The following TIAM1 variants were observed in gnomAD, a reference collection of about 807,000 sequenced individuals.
TIAM1 encodes TIAM Rac1 associated GEF 1.
In TIAM1, 65 loss-of-function variants were observed where a neutral mutation model predicts 163.5. That is an observed-to-expected ratio of 0.40 (90% confidence interval 0.33 to 0.49). The LOEUF (loss-of-function observed/expected upper bound fraction) is 0.49. Among genes scored for constraint, TIAM1 ranks in the 20% least tolerant of loss-of-function variants. The probability of loss-of-function intolerance (pLI) is 0.77; values close to 1 mark genes in which losing one functional copy is unlikely to be tolerated. For missense variants in TIAM1, 1,789 were observed against 2,044.7 expected, an observed-to-expected ratio of 0.87 and a Z score of 2.41; for synonymous variants, 833 against 810.1, an observed-to-expected ratio of 1.03 and a Z score of -0.48.
chr21:31,121,958 C>T (rs2082017845), intron 27 of TIAM1, among the ~76,000 whole-genome samples: 2 of 152,170 alleles, frequency 1.3e-5, no homozygotes, highest in Admixed American at 1.3e-4. Context: ...TCAACGCCAA[C>T]TGGGAGCTGC....
chr21:31,152,039 TTTTTTTTTG>T lies in TIAM1; in HGVS notation c.3366+588_3366+596del, dbSNP rs1217436018. On this transcript the variant is annotated intron_variant, in intron 19 of 27. Coordinates refer to ENST00000541036, the MANE Select transcript of TIAM1 (RefSeq NM_001353694.2). Reference sequence around the variant, plus strand: ...GAAGTGCCTTTTTTTTTTTTTTTTTTTTTTTTTTGTAAGACGGAGCCTCGTTCTTGTCCC... The same window carrying T: ...GAAGTGCCTTTTTTTTTTTTTTTTTTTAAGACGGAGCCTCGTTCTTGTCCC... Among the ~76,000 whole-genome samples, 247 of 92,136 alleles carry T rather than the reference TTTTTTTTTG, an allele frequency of 2.7e-3. 2 individuals are homozygous for T. Among genetic ancestry groups the T allele is most frequent in the African/African-American group, 0.01 (226 of 21,898 alleles). The allele number at this position is 92,136 out of a possible 152,430, so 60.4% of individuals were successfully genotyped here. A position where few individuals can be genotyped will look rare whatever the true frequency, so the allele number is the denominator to read the frequency against.
chr21:31,422,548 G>T (rs995179555), intron 2 of TIAM1, among the ~76,000 whole-genome samples: 3 of 152,074 alleles, frequency 2.0e-5, no homozygotes, highest in Non-Finnish European at 4.4e-5. Flanking sequence ...GAAGTCTGTT[G>T]GGAGCTGAAC....
At chr21:31,423,156 T>A (rs577670647) in intron 2 of TIAM1, among the ~76,000 whole-genome samples, 1 of 134,416 alleles carries the variant, frequency 7.4e-6, no homozygotes, top group South Asian at 2.5e-4. Flanking sequence ...TGGAGTGCAG[T>A]GGCATGATCT....
chr21:31,452,737 C>A, intron 2 of TIAM1: 1 of 480,064 alleles, frequency 2.1e-6, no homozygotes, highest in Non-Finnish European at 4.1e-6. Flanking sequence ...AAATCTACTA[C>A]AAAGTCACTG....
intron 1 of TIAM1, among the ~76,000 whole-genome samples, chr21:31,475,810 A>G (rs1157547017): frequency 6.6e-6 from 1 of 152,244 alleles, no homozygotes; most frequent in East Asian, 1.9e-4. Context: ...TCTCCTGAGC[A>G]AATCCTAATT....
At chr21:31,240,365 G>A (rs1333057676) in intron 6 of TIAM1, among the ~76,000 whole-genome samples, 3 of 152,158 alleles carry the variant, frequency 2.0e-5, no homozygotes, top group Non-Finnish European at 4.4e-5. Context: ...ATTTATTAAA[G>A]ACAAATGGCT....
At chr21:31,152,192 C>T (rs1384006044) in intron 19 of TIAM1, among the ~76,000 whole-genome samples, 1 of 152,010 alleles carries the variant, frequency 6.6e-6, no homozygotes. Flanking sequence ...ACCACCATGC[C>T]CAGCTAATTT....
chr21:31,154,745 G>A (rs1193466735), intron 16 of TIAM1, among the ~76,000 whole-genome samples: 1 of 152,158 alleles, frequency 6.6e-6, no homozygotes, highest in African/African-American at 2.4e-5. Flanking sequence ...GTACGTAAGT[G>A]GCAGAGCTGG....
chr21:31,427,415 A>G (rs1176259958), intron 2 of TIAM1, among the ~76,000 whole-genome samples: 1 of 152,084 alleles, frequency 6.6e-6, no homozygotes, highest in Non-Finnish European at 1.5e-5. Flanking sequence ...TGAACCTGGA[A>G]GGCGGGGGTT....
At chr21:31,517,174 A>G (rs976772161) in intron 1 of TIAM1, among the ~76,000 whole-genome samples, 2 of 152,146 alleles carry the variant, frequency 1.3e-5, no homozygotes, top group African/African-American at 2.4e-5. Flanking sequence ...TAAGGCTACA[A>G]CTCTAAAGGC....
intron 2 of TIAM1, among the ~76,000 whole-genome samples, chr21:31,385,840 AT>A (rs972354601): frequency 3.0e-4 from 44 of 147,206 alleles, no homozygotes; most frequent in Non-Finnish European, 5.8e-4. Flanking sequence ...TATATTATAT[AT>A]TTATATATAA....
At chr21:31,391,275 C>T (rs551380044) in intron 2 of TIAM1, among the ~76,000 whole-genome samples, 5 of 152,104 alleles carry the variant, frequency 3.3e-5, no homozygotes, top group Admixed American at 2.0e-4. Context: ...TACGTTCCCA[C>T]ATGGTATTCC....
intron 2 of TIAM1, among the ~76,000 whole-genome samples, chr21:31,321,559 C>A (rs1463505714): frequency 0.015 from 2 of 136 alleles, no homozygotes; most frequent in Non-Finnish European, 0.028. Context: ...GTCATGTTGG[C>A]CAGCTGGTCT....
intron 14 of TIAM1, among the ~76,000 whole-genome samples, chr21:31,185,451 G>A (rs1199575768): frequency 2.2e-5 from 3 of 137,916 alleles, no homozygotes; most frequent in Non-Finnish European, 4.7e-5. Flanking sequence ...TTATATTAAC[G>A]ATTATTATAT....
chr21:31,399,061 T>C (rs2077121452), intron 2 of TIAM1, among the ~76,000 whole-genome samples: 1 of 152,068 alleles, frequency 6.6e-6, no homozygotes, highest in Admixed American at 6.6e-5. Context: ...AAATAGCCTT[T>C]GCCAGAAACT....
Position 31,124,688 on chromosome 21 carries a change from TGGGGA to T in TIAM1, c.4135_4139del (p.Ser1379ArgfsTer16). ...CCTTTAGGAAATCCTTTCGGCTCTC[TGGGGA>T]GCTAGGAAAAGAAGATTTACAGATG... On this transcript the variant is annotated frameshift_variant and splice_region_variant, in exon 27 of 28. Transcript: ENST00000541036. LOFTEE classifies it high-confidence loss of function. 6.4e-7 allele frequency: 1 copy of T among 1,572,170 alleles called. No individual in the cohort carries two copies. Among genetic ancestry groups the T allele is most frequent in the Non-Finnish European group, 8.6e-7 (1 of 1,158,482 alleles).
intron 10 of TIAM1, among the ~76,000 whole-genome samples, chr21:31,210,706 A>G (rs549660229): frequency 1.8e-5 from 2 of 113,186 alleles, no homozygotes; most frequent in African/African-American, 1.3e-4. Context: ...AGAAAGAAAG[A>G]GAAAGAAAGA....
chr21:31,274,376 G>C (rs1163689155), intron 3 of TIAM1, among the ~76,000 whole-genome samples: 1 of 152,058 alleles, frequency 6.6e-6, no homozygotes, highest in Non-Finnish European at 1.5e-5. Context: ...CAAAGTCCTG[G>C]GCATAAAGAA....
intron 10 of TIAM1, among the ~76,000 whole-genome samples, chr21:31,210,724 AGAAAGAGAAAGAAGGAAGGAAGGG>A: frequency 8.2e-6 from 1 of 122,294 alleles, no homozygotes. Flanking sequence ...AGAGAAAGAA[AGAAAGAGAAAGAAGGAAGGAAGGG>A]AGAAAGAAAG....
Sources: gnomAD v4.1 joint callset for allele counts (sites outside exome capture counted in the v4.1 genomes callset) on GRCh38, gnomAD v4.1.1 for gene constraint, MANE v1.5 for transcripts, NCBI Gene and HGNC (gene_info 2026-07-23, HGNC 2026-07-21) for gene names.